The following LSAMP variants were observed in gnomAD, a reference collection of about 807,000 sequenced individuals.
LSAMP encodes the protein limbic system-associated membrane protein.
In LSAMP, 7 loss-of-function variants were observed where a neutral mutation model predicts 38.6. That is an observed-to-expected ratio of 0.18 (90% CI 0.10 to 0.34). The LOEUF is 0.34. Among genes scored for constraint, LSAMP ranks in the 10% least tolerant of loss-of-function variants. The pLI is 1.00. For synonymous variants in LSAMP, 154 were observed against 166.8 expected (o/e 0.92, Z 0.59); for missense variants, 313 against 420.0 (o/e 0.75, Z 2.23).
At chr3:116,240,617 T>C (rs753562412) in intron 1 of LSAMP, among the ~76,000 whole-genome samples, 2 of 152,210 alleles carry the variant, frequency 1.3e-5, no homozygotes, top group Non-Finnish European at 2.9e-5. Flanking sequence ...ATGATCCATA[T>C]AGCTAGCAGC....
chr3:116,208,964 C>G (rs1416443278), intron 1 of LSAMP, among the ~76,000 whole-genome samples: 1 of 152,242 alleles, frequency 6.6e-6, no homozygotes, highest in East Asian at 1.9e-4. Context: ...TTTACCTAAG[C>G]AAGCCTGGGC....
chr3:116,353,264 T>C (rs1039857450), intron 1 of LSAMP, among the ~76,000 whole-genome samples: 4 of 152,028 alleles, frequency 2.6e-5, no homozygotes, highest in African/African-American at 9.7e-5. Flanking sequence ...ACTGGGAAAA[T>C]TTAGACAAAG....
At chr3:116,138,440 TAA>T (rs1447246818) in intron 1 of LSAMP, among the ~76,000 whole-genome samples, 2 of 152,084 alleles carry the variant, frequency 1.3e-5, no homozygotes, top group African/African-American at 4.8e-5. Flanking sequence ...TATAAATAAA[TAA>T]AAGTTAATCA....
At chr3:115,920,666 T>G (rs1403990063) in intron 3 of LSAMP, among the ~76,000 whole-genome samples, 1 of 152,152 alleles carries the variant, frequency 6.6e-6, no homozygotes, top group African/African-American at 2.4e-5. Flanking sequence ...GTGTATTCTG[T>G]TGCTGTTGGG....
At chr3:116,345,292 GT>G (rs1281471983) in intron 1 of LSAMP, among the ~76,000 whole-genome samples, 18 of 152,244 alleles carry the variant, frequency 1.2e-4, no homozygotes, top group African/African-American at 4.3e-4. Flanking sequence ...CATTACTACT[GT>G]TGTCATTATC....
intron 3 of LSAMP, among the ~76,000 whole-genome samples, chr3:115,939,587 T>TCTTTCTTTCTCTTTCTTTCTTTC (rs1553751094): frequency 1.3e-5 from 2 of 151,230 alleles, no homozygotes; most frequent in East Asian, 1.9e-4. Flanking sequence ...TTTCTTTCTG[T>TCTTTCTTTCTCTTTCTTTCTTTC]TAAGAGACAG....
At chr3:116,327,793 A>C (rs1319665899) in intron 1 of LSAMP, among the ~76,000 whole-genome samples, 4 of 152,164 alleles carry the variant, frequency 2.6e-5, no homozygotes, top group South Asian at 2.1e-4. Context: ...AAAATAAAAG[A>C]AAACAAAATG....
At chr3:115,988,105 G>A (rs1043368403) in intron 3 of LSAMP, among the ~76,000 whole-genome samples, 4 of 152,078 alleles carry the variant, frequency 2.6e-5, no homozygotes, top group African/African-American at 9.7e-5. Context: ...TCATCTAAAA[G>A]CTTTCTAACT....
chr3:116,029,618 T>G (rs2107701635), intron 2 of LSAMP, among the ~76,000 whole-genome samples: 2 of 152,220 alleles, frequency 1.3e-5, no homozygotes, highest in Middle Eastern at 3.4e-3. Flanking sequence ...TGTAGTAAAC[T>G]CAGGGAAACT....
chr3:115,818,735 A>T (rs1408382677), intron 6 of LSAMP, among the ~76,000 whole-genome samples: 1 of 140,006 alleles, frequency 7.1e-6, no homozygotes, highest in South Asian at 2.3e-4. Context: ...CAAAGAATTT[A>T]TATATATATA....
chr3:116,042,035 A>G (rs1389472851), intron 2 of LSAMP, among the ~76,000 whole-genome samples: 1 of 152,188 alleles, frequency 6.6e-6, no homozygotes, highest in Non-Finnish European at 1.5e-5. Flanking sequence ...TATATATTAT[A>G]CAATTCACTT....
chr3:116,443,914 A>G (rs1288540796), intron 1 of LSAMP, among the ~76,000 whole-genome samples: 5 of 152,196 alleles, frequency 3.3e-5, no homozygotes, highest in Admixed American at 3.3e-4. Context: ...CACAAAAAAT[A>G]ACCTTGGAGC....
chr3:115,810,161 C>T lies in LSAMP; in HGVS notation c.*156G>A. ...TTTAAATGTTGTATTTTCTTCTTCA[C>T]TTTCTTATTTCCCCCTTCATGTATA... On this transcript the variant is annotated 3_prime_UTR_variant, in exon 7 of 7. Transcript: ENST00000490035. 1.7e-6 allele frequency: 1 copy of T among 590,496 alleles called. No homozygotes were observed. Among genetic ancestry groups the T allele is most frequent in the East Asian group, 2.9e-5 (1 of 34,936 alleles). The allele number at this position is 590,496 out of a possible 1,614,324, so 36.6% of individuals were successfully genotyped here.
chr3:115,961,203 A>G (rs1421333624), intron 3 of LSAMP, among the ~76,000 whole-genome samples: 3 of 152,226 alleles, frequency 2.0e-5, no homozygotes, highest in Non-Finnish European at 4.4e-5. Flanking sequence ...GGTTTTTCTC[A>G]TAAGATCTTC....
chr3:116,023,319 GT>G (rs1940689959), intron 2 of LSAMP, among the ~76,000 whole-genome samples: 1 of 151,934 alleles, frequency 6.6e-6, no homozygotes. Context: ...TTTCGGCCAG[GT>G]ACGGTGGCTC....
chr3:116,385,494 T>C (rs1029491766), intron 1 of LSAMP, among the ~76,000 whole-genome samples: 1 of 152,176 alleles, frequency 6.6e-6, no homozygotes, highest in Non-Finnish European at 1.5e-5. Context: ...AAGGGCCAAG[T>C]TGAATCTCAA....
chr3:115,958,412 A>G (rs1296145298), intron 3 of LSAMP, among the ~76,000 whole-genome samples: 1 of 152,210 alleles, frequency 6.6e-6, no homozygotes. Flanking sequence ...GTTTTTAAGT[A>G]GAGGTTTTGA....
At chr3:115,953,730 T>C (rs1274999333) in intron 3 of LSAMP, among the ~76,000 whole-genome samples, 2 of 152,184 alleles carry the variant, frequency 1.3e-5, no homozygotes, top group South Asian at 2.1e-4. Flanking sequence ...CCCTGCAGAG[T>C]CTGGCTTCTG....
At chr3:115,837,084 T>A (rs987214078) in intron 6 of LSAMP, among the ~76,000 whole-genome samples, 3 of 152,168 alleles carry the variant, frequency 2.0e-5, no homozygotes, top group Non-Finnish European at 4.4e-5. Context: ...TCAAGTGCTG[T>A]ATGTTTAAAC....
Sources: allele counts gnomAD v4.1 joint callset (sites outside exome capture counted in the v4.1 genomes callset), GRCh38; gene constraint gnomAD v4.1.1; transcripts MANE v1.5; gene names NCBI Gene and HGNC (gene_info 2026-07-23, HGNC 2026-07-21).